LGSN: variants seen among roughly 807,000 people sequenced by gnomAD.
LGSN encodes lengsin, lens protein with glutamine synthetase domain, also known as lengsin.
In LGSN, 21 loss-of-function variants were observed where a neutral mutation model predicts 19.5. The ratio of observed to expected loss-of-function variants is 1.07; its 90% CI spans 0.76 to 1.55. The LOEUF is 1.55. LGSN is among the 40% of genes most tolerant of loss of function. LGSN has a pLI of 0.00. For synonymous variants in LGSN, 257 were observed against 215.6 expected (o/e 1.19, Z -1.68); for missense variants, 673 against 608.5 (o/e 1.11, Z -1.12).
chr6:63,514,356 C>G, the LGSN span, among the ~76,000 whole-genome samples: 2 of 152,176 alleles, frequency 1.3e-5, no homozygotes, highest in South Asian at 2.1e-4. Context: ...GATCCCTGAA[C>G]AGCTGGGACT....
chr6:63,314,684 A>G (rs1407308586), intron 1 of LGSN, among the ~76,000 whole-genome samples: 2 of 152,228 alleles, frequency 1.3e-5, no homozygotes, highest in Admixed American at 6.5e-5. Context: ...GAGGGTTGTG[A>G]TGCTTCCAAT....
the LGSN span, among the ~76,000 whole-genome samples, chr6:63,491,853 C>A: frequency 2.0e-5 from 3 of 152,076 alleles, no homozygotes; most frequent in Admixed American, 6.6e-5. Flanking sequence ...CATGGTGAAA[C>A]CCCGTCTCTA....
At chr6:63,334,600 A>G in the LGSN span, among the ~76,000 whole-genome samples, 4 of 152,200 alleles carry the variant, frequency 2.6e-5, no homozygotes, top group African/African-American at 7.2e-5. Context: ...ATAGAAACAG[A>G]AAAAACAATT....
At chr6:63,405,276 G>A in the LGSN span, among the ~76,000 whole-genome samples, 1 of 152,028 alleles carries the variant, frequency 6.6e-6, no homozygotes, top group African/African-American at 2.4e-5. Flanking sequence ...ACGTGTGCAT[G>A]TGTCTTTATA....
chr6:63,312,550 G>GT (rs1270095636), intron 1 of LGSN, among the ~76,000 whole-genome samples: 2 of 151,918 alleles, frequency 1.3e-5, no homozygotes, highest in East Asian at 1.9e-4. Flanking sequence ...CCATGTATAA[G>GT]TTTTTTTTCT....
the LGSN span, among the ~76,000 whole-genome samples, chr6:63,442,326 A>G: frequency 2.0e-5 from 3 of 152,194 alleles, no homozygotes; most frequent in South Asian, 4.1e-4. Flanking sequence ...TCCACAGCAC[A>G]AAAGGGGACC....
the LGSN span, among the ~76,000 whole-genome samples, chr6:63,475,981 C>T: frequency 2.6e-5 from 4 of 152,174 alleles, no homozygotes; most frequent in South Asian, 2.1e-4. Flanking sequence ...GAGTACTGAC[C>T]CCTTCTGTCT....
chr6:63,383,114 ATTTG>A, the LGSN span, among the ~76,000 whole-genome samples: 11 of 151,942 alleles, frequency 7.2e-5, no homozygotes, highest in South Asian at 1.0e-3. Context: ...GAGCAGATTT[ATTTG>A]TTTGTTTGTT....
the LGSN span, among the ~76,000 whole-genome samples, chr6:63,478,132 T>C: frequency 1.3e-5 from 2 of 152,212 alleles, no homozygotes; most frequent in Admixed American, 6.5e-5. Context: ...TAAAGATTTA[T>C]GGAGTCAAAT....
intron 2 of LGSN, among the ~76,000 whole-genome samples, chr6:63,294,710 T>C (rs1436751296): frequency 1.3e-5 from 2 of 152,180 alleles, no homozygotes; most frequent in African/African-American, 2.4e-5. Flanking sequence ...CCTCTTTACA[T>C]TGTAAATATT....
In LGSN at chr6:63,278,847, G is replaced by T. The variant is rs1412947938; in HGVS notation, c.*1174C>A. 6.6e-6 allele frequency: 1 copy of T among 152,128 alleles called. No homozygotes were observed. Among genetic ancestry groups the T allele is most frequent in the Non-Finnish European group, 1.5e-5 (1 of 68,034 alleles). The allele number at this position is 152,128 out of a possible 1,614,324, so 9.4% of individuals were successfully genotyped here. A position where few individuals can be genotyped will look rare whatever the true frequency, so the allele number is the denominator to read the frequency against. On this transcript the variant is annotated 3_prime_UTR_variant, in exon 4 of 4. Coordinates refer to ENST00000370657, the MANE Select transcript of LGSN (RefSeq NM_016571.3). ...TGAGTAATATGAATTTTAATAAGAG[G>T]ATCTGAGCCAAATTCTAATCCTCTG...
intron 1 of LGSN, among the ~76,000 whole-genome samples, chr6:63,297,354 C>CAAA (rs75453519): frequency 1.5e-4 from 11 of 73,892 alleles, no homozygotes; most frequent in South Asian, 5.2e-4. Flanking sequence ...GCCTCGGTAT[C>CAAA]AAAAAAAAAA....
intron 1 of LGSN, among the ~76,000 whole-genome samples, chr6:63,319,263 T>G (rs774932843): frequency 6.6e-6 from 1 of 152,224 alleles, no homozygotes; most frequent in Non-Finnish European, 1.5e-5. Flanking sequence ...GTATGCTTCT[T>G]GCATTATATT....
chr6:63,434,531 G>A, the LGSN span, among the ~76,000 whole-genome samples: 1 of 146,330 alleles, frequency 6.8e-6, no homozygotes, highest in East Asian at 2.0e-4. Flanking sequence ...GGCCAAAGCT[G>A]TCATATCACC....
chr6:63,357,662 C>G, the LGSN span, among the ~76,000 whole-genome samples: 23 of 152,038 alleles, frequency 1.5e-4, no homozygotes, highest in Admixed American at 1.5e-3. Context: ...ATCCTTTGCC[C>G]ACTTGTTGAT....
chr6:63,374,583 C>A, the LGSN span, among the ~76,000 whole-genome samples: 1 of 152,304 alleles, frequency 6.6e-6, no homozygotes, highest in East Asian at 1.9e-4. Context: ...CAATGATCCT[C>A]CCATTTAGTA....
chr6:63,378,949 A>G, the LGSN span, among the ~76,000 whole-genome samples: 1 of 152,210 alleles, frequency 6.6e-6, no homozygotes, highest in Admixed American at 6.5e-5. Flanking sequence ...AAAGAATTTT[A>G]AGCAAGATAA....
chr6:63,418,057 T>C, the LGSN span, among the ~76,000 whole-genome samples: 2 of 152,204 alleles, frequency 1.3e-5, no homozygotes, highest in African/African-American at 2.4e-5. Flanking sequence ...TACAGTGTTC[T>C]TCTTTAAGAA....
chr6:63,348,462 A>T, the LGSN span, among the ~76,000 whole-genome samples: 1 of 152,244 alleles, frequency 6.6e-6, no homozygotes, highest in Admixed American at 6.5e-5. Flanking sequence ...TCAAAAGAAA[A>T]AAAAAAATAT....
Sources: gnomAD v4.1 joint callset for allele counts (sites outside exome capture counted in the v4.1 genomes callset) on GRCh38, gnomAD v4.1.1 for gene constraint, MANE v1.5 for transcripts, NCBI Gene and HGNC (gene_info 2026-07-23, HGNC 2026-07-21) for gene names.